Variants in PLAAT3 observed in about 807,000 individuals in gnomAD.
PLAAT3 encodes Ca-independent phospholipase A1/2.
Under a neutral mutation model 16.7 loss-of-function variants are expected in PLAAT3, and 21 were observed. That is an observed-to-expected ratio of 1.26 (90% CI 0.89 to 1.81). The LOEUF (loss-of-function observed/expected upper bound fraction) is 1.81, where lower values mean the gene tolerates loss of function less well. Ranked by LOEUF, PLAAT3 falls within the 40% of genes most tolerant of loss-of-function variation. The pLI, the probability that PLAAT3 is intolerant of heterozygous loss-of-function variation, is 0.00. For missense variants in PLAAT3, 219 were observed against 213.7 expected (o/e 1.02, Z -0.16); for synonymous variants, 76 against 81.7 (o/e 0.93, Z 0.38).
At chr11:63,596,381 G>C (rs1159762052) in intron 3 of PLAAT3, among the ~76,000 whole-genome samples, 3 of 151,912 alleles carry the variant, frequency 2.0e-5, no homozygotes, top group Non-Finnish European at 2.9e-5. Context: ...TTTAGCACCA[G>C]GGACTGGTTT....
chr11:63,609,499 T>G (rs1181514976), intron 2 of PLAAT3, among the ~76,000 whole-genome samples: 1 of 152,140 alleles, frequency 6.6e-6, no homozygotes, highest in African/African-American at 2.4e-5. Context: ...CTGGCAGGGT[T>G]TGTGTAAAGA....
intron 4 of PLAAT3, among the ~76,000 whole-genome samples, chr11:63,587,298 G>A (rs1938006644): frequency 6.6e-6 from 1 of 151,934 alleles, no homozygotes; most frequent in African/African-American, 2.4e-5. Context: ...TGAGGATGAA[G>A]AGAAGATTCT....
chr11:63,616,410 C>A (rs1190081447), upstream of PLAAT3: 1 of 152,048 alleles, frequency 6.6e-6, no homozygotes, highest in Non-Finnish European at 1.5e-5. Flanking sequence ...TAACTGTTAT[C>A]TGGTAAGCCT....
intron 1 of PLAAT3, 59 bp from the exon 2 acceptor site, chr11:63,614,127 C>T: frequency 7.0e-7 from 1 of 1,438,550 alleles, no homozygotes; most frequent in Non-Finnish European, 9.8e-7. Context: ...CTCCAGACCC[C>T]ACGGGACTGC....
chr11:63,611,860 C>T (rs1404096547), intron 2 of PLAAT3, among the ~76,000 whole-genome samples: 5 of 152,172 alleles, frequency 3.3e-5, no homozygotes, highest in Admixed American at 6.5e-5. Flanking sequence ...TATGATGGGC[C>T]GGGCGCGGTG....
intron 1 of PLAAT3, 130 bp downstream of exon 1, chr11:63,614,255 G>C (rs1034200791): frequency 1.2e-5 from 7 of 583,230 alleles, no homozygotes; most frequent in Admixed American, 3.1e-5. Context: ...GCAGGTGCCA[G>C]CGGGCGGCTC....
chr11:63,574,786 C>T lies in PLAAT3; in HGVS notation c.*159G>A. ...ACACCAGGCAGTTCTTGCTGCACTTCCCCCAATAAAATCCTCCCTCGTTTT... is the reference window on the plus strand; with the variant it reads ...ACACCAGGCAGTTCTTGCTGCACTTTCCCCAATAAAATCCTCCCTCGTTTT... On this transcript the variant is annotated 3_prime_UTR_variant, in exon 5 of 5. Coordinates refer to ENST00000415826, the MANE Select transcript of PLAAT3 (RefSeq NM_001128203.2). 1.7e-6 allele frequency: 1 copy of T among 605,938 alleles called. No individual in the cohort carries two copies. Among genetic ancestry groups the T allele is most frequent in the Non-Finnish European group, 3.0e-6 (1 of 336,642 alleles). 37.5% of individuals were successfully genotyped at this position (605,938 alleles called of 1,614,324 possible). A position where few individuals can be genotyped will look rare whatever the true frequency, so the allele number is the denominator to read the frequency against.
In PLAAT3 at chr11:63,576,246, C is replaced by G. The variant is rs12284082; in HGVS notation, c.388-1200G>C. On this transcript the variant is annotated intron_variant, in intron 4 of 4. Coordinates refer to ENST00000415826, the MANE Select transcript of PLAAT3 (RefSeq NM_001128203.2). ...AGCAAACCACTGCCCCTACACCCACCCCCACTCACTCAGAGCTCCATCCAG... is the reference window on the plus strand; with the variant it reads ...AGCAAACCACTGCCCCTACACCCACGCCCACTCACTCAGAGCTCCATCCAG... 2.2e-3 allele frequency among the ~76,000 whole-genome samples: 333 copies of G among 152,276 alleles called. 1 individual carries two copies. The highest frequency in any genetic ancestry group is 7.8e-3 in the African/African-American group (326 of 41,548).
intron 2 of PLAAT3, among the ~76,000 whole-genome samples, chr11:63,602,044 T>C (rs1268999902): frequency 6.7e-6 from 1 of 149,192 alleles, no homozygotes; most frequent in Non-Finnish European, 1.5e-5. Context: ...TCTCAGCACT[T>C]TGGGAGGCCG....
At chr11:63,609,596 G>A (rs1271339575) in intron 2 of PLAAT3, among the ~76,000 whole-genome samples, 1 of 152,254 alleles carries the variant, frequency 6.6e-6, no homozygotes, top group Non-Finnish European at 1.5e-5. Flanking sequence ...GGCTGGGTGA[G>A]GACAGGGAGG....
At chr11:63,604,466 T>C (rs1938507555) in intron 2 of PLAAT3, among the ~76,000 whole-genome samples, 1 of 152,122 alleles carries the variant, frequency 6.6e-6, no homozygotes, top group Non-Finnish European at 1.5e-5. Flanking sequence ...TAATTTTCTT[T>C]TTAATTATAT....
intron 4 of PLAAT3, among the ~76,000 whole-genome samples, chr11:63,577,328 C>G (rs747976180): frequency 6.6e-6 from 1 of 152,046 alleles, no homozygotes; most frequent in Non-Finnish European, 1.5e-5. Context: ...CCCGCCACCA[C>G]GCCCAGCTAA....
At chr11:63,580,406 A>C (rs1937772322) in intron 4 of PLAAT3, among the ~76,000 whole-genome samples, 1 of 152,258 alleles carries the variant, frequency 6.6e-6, no homozygotes, top group Non-Finnish European at 1.5e-5. Context: ...CTGTAATCCC[A>C]GCACTTTGGG....
At chr11:63,579,278 C>T (rs919675586) in intron 4 of PLAAT3, among the ~76,000 whole-genome samples, 5 of 152,180 alleles carry the variant, frequency 3.3e-5, no homozygotes, top group African/African-American at 1.2e-4. Flanking sequence ...GTTGGTGGGA[C>T]TGTAAACCAG....
At chr11:63,604,760 CA>C (rs1330582963) in intron 2 of PLAAT3, among the ~76,000 whole-genome samples, 127 of 139,030 alleles carry the variant, frequency 9.1e-4, no homozygotes, top group Middle Eastern at 3.7e-3. Context: ...AAGACTGCCT[CA>C]AAAAAAAAAA....
At chr11:63,578,887 T>G (rs1937704632) in intron 4 of PLAAT3, among the ~76,000 whole-genome samples, 1 of 151,684 alleles carries the variant, frequency 6.6e-6, no homozygotes, top group Non-Finnish European at 1.5e-5. Flanking sequence ...CTAATTAAAC[T>G]AAAGAGCTTC....
intron 4 of PLAAT3, among the ~76,000 whole-genome samples, chr11:63,576,445 A>G (rs1332686759): frequency 6.6e-6 from 1 of 152,188 alleles, no homozygotes; most frequent in Non-Finnish European, 1.5e-5. Flanking sequence ...CCAACATGCG[A>G]AACCCCATCT....
rs1938178647 is a variant in PLAAT3, at chr11:63,592,539, G to A, written c.119-2171C>T. Among the ~76,000 whole-genome samples the A allele has an allele frequency of 2.6e-5, 4 of 152,318 alleles. No homozygotes were observed. In the South Asian group the frequency reaches 8.3e-4, roughly 32 times the overall value. On this transcript the variant is annotated intron_variant, in intron 3 of 4. Transcript: ENST00000415826. ...AATATGAAGTGAACAATCACAGAAAGAGCATGTGGATGTGGCAATCCATCA... is the reference window on the plus strand; with the variant it reads ...AATATGAAGTGAACAATCACAGAAAAAGCATGTGGATGTGGCAATCCATCA...
intron 4 of PLAAT3, among the ~76,000 whole-genome samples, chr11:63,589,874 C>CTT (rs1938095939): frequency 1.3e-5 from 2 of 152,196 alleles, no homozygotes; most frequent in South Asian, 4.2e-4. Flanking sequence ...TCTGTGACTC[C>CTT]TTTCCTTGGC....
Sources: gnomAD v4.1 joint callset for allele counts (sites outside exome capture counted in the v4.1 genomes callset) on GRCh38, gnomAD v4.1.1 for gene constraint, MANE v1.5 for transcripts, NCBI Gene and HGNC (gene_info 2026-07-23, HGNC 2026-07-21) for gene names.